LMO2: variants seen among roughly 807,000 people sequenced by gnomAD.
LMO2 encodes LIM domain only 2.
LMO2 carries 20 observed loss-of-function variants against 23.2 expected under a neutral mutation model. That is an observed-to-expected ratio of 0.86 (90% confidence interval 0.61 to 1.25). The LOEUF (loss-of-function observed/expected upper bound fraction) is 1.25, where lower values mean the gene tolerates loss of function less well. LMO2 is among the 50% of genes most tolerant of loss of function. LMO2 has a pLI of 0.00. For missense variants in LMO2, 270 were observed against 315.3 expected (o/e 0.86, Z 1.09); for synonymous variants, 123 against 130.2 (o/e 0.94, Z 0.38).
At position 33,873,974 on chromosome 11, in the gene LMO2, C is replaced by G. The variant is rs183799151; in HGVS notation, c.-271-3987G>C. On this transcript the variant is annotated intron_variant, in intron 2 of 5. Coordinates refer to ENST00000257818, the MANE Select transcript of LMO2 (RefSeq NM_005574.4). ...ATCCCAACATTATGATAATTTACCT[C>G]TCTTTTTTTTTCAACCATTAGAAGC... Among the ~76,000 whole-genome samples the G allele has an allele frequency of 1.0e-3, 151 of 151,690 alleles. 1 individual carries two copies. Among genetic ancestry groups the G allele is most frequent in the Admixed American group, 2.9e-3 (45 of 15,300 alleles).
At chr11:33,886,015 G>A (rs1857396980) in intron 1 of LMO2, among the ~76,000 whole-genome samples, 1 of 152,026 alleles carries the variant, frequency 6.6e-6, no homozygotes, top group Non-Finnish European at 1.5e-5. Flanking sequence ...AGCTGGGATT[G>A]CAGGTGCCCA....
chr11:33,884,259 T>A (rs1857352808), intron 1 of LMO2, among the ~76,000 whole-genome samples: 1 of 152,052 alleles, frequency 6.6e-6, no homozygotes, highest in Non-Finnish European at 1.5e-5. Flanking sequence ...TGTTGAATAA[T>A]GCCGAGAGGA....
At chr11:33,884,164 C>T (rs1055102992) in intron 1 of LMO2, among the ~76,000 whole-genome samples, 1 of 152,110 alleles carries the variant, frequency 6.6e-6, no homozygotes, top group African/African-American at 2.4e-5. Context: ...TTGAGGGCCC[C>T]ACTGAGAAGA....
chr11:33,864,750 T>C lies in LMO2; in HGVS notation c.316A>G (p.Ile106Val). ...LLTCGGCQQNIGDRYFLKAID... is the reference protein window; with the variant it reads ...LLTCGGCQQNVGDRYFLKAID... ...GCCTTCAGGAAGTAGCGGTCCCCAATGTTCTGCTGGCAGCCGCCGCATGTC... is the reference window on the plus strand; with the variant it reads ...GCCTTCAGGAAGTAGCGGTCCCCAACGTTCTGCTGGCAGCCGCCGCATGTC... The change falls in exon 5 of 6, where the codon ATT (isoleucine) becomes GTT (valine). Residue 106 changes from isoleucine (I) to valine (V), a missense_variant. This residue lies in a region of LMO2 where 170 missense variants were observed against 162.0 expected (regional missense o/e 1.05). Coordinates refer to ENST00000257818, the MANE Select transcript of LMO2 (RefSeq NM_005574.4). This position sits in a 1 kb window ranked among gnomAD's most constrained non-coding sequence, Gnocchi z 4.8. 13 of 1,613,966 alleles carry C rather than the reference T, an allele frequency of 8.1e-6. No individual in the cohort carries two copies. The highest frequency in any genetic ancestry group is 1.1e-5 in the Non-Finnish European group (13 of 1,179,994).
rs1001285075 is a variant in LMO2, at chr11:33,869,725, C to A, written c.-9G>T. On this transcript the variant is annotated 5_prime_UTR_variant, in exon 3 of 6. Coordinates refer to ENST00000257818, the MANE Select transcript of LMO2 (RefSeq NM_005574.4). ...AGGACTTAACCTTCCATCCCGGTCC[C>A]GCCGCCGCCACCGCCCGGTCCCTCT... 7.7e-7 allele frequency: 1 copy of A among 1,290,818 alleles called. No individual in the cohort carries two copies. The highest frequency in any genetic ancestry group is 3.6e-5 in the East Asian group (1 of 27,618). 80.0% of individuals were successfully genotyped at this position (1,290,818 alleles called of 1,614,324 possible).
At position 33,860,876 on chromosome 11, in the gene LMO2, G is replaced by A. The variant is rs116916492; in HGVS notation, c.465-1301C>T. Among the ~76,000 whole-genome samples, 140 of 152,324 alleles carry A rather than the reference G, an allele frequency of 9.2e-4. 1 individual carries two copies. In the East Asian group the frequency reaches 0.01, roughly 11 times the overall value. ...GGGGAGAAGGCCCAGCAGTCTGTGCGTTAATGAACACTTCCGGGGGACTGG... is the reference window on the plus strand; with the variant it reads ...GGGGAGAAGGCCCAGCAGTCTGTGCATTAATGAACACTTCCGGGGGACTGG... On this transcript the variant is annotated intron_variant, in intron 5 of 5. Transcript: ENST00000257818.
At chr11:33,877,057 G>A (rs1857152118) in intron 2 of LMO2, among the ~76,000 whole-genome samples, 1 of 152,244 alleles carries the variant, frequency 6.6e-6, no homozygotes. Context: ...AGATGGATAA[G>A]TGGAGTTCTG....
In LMO2 at chr11:33,861,626, T is replaced by G. The variant is rs138563467; in HGVS notation, c.465-2051A>C. Among the ~76,000 whole-genome samples the G allele has an allele frequency of 5.8e-4, 88 of 152,344 alleles. 1 individual carries two copies. The highest frequency in any genetic ancestry group is 3.4e-3 in the Middle Eastern group (1 of 294). ...GAGTGGAAAGACAGTTCTGGTTTCCTGACTGCTCTGTAAGTTAAGTTTGGG... is the reference window on the plus strand; with the variant it reads ...GAGTGGAAAGACAGTTCTGGTTTCCGGACTGCTCTGTAAGTTAAGTTTGGG... On this transcript the variant is annotated intron_variant, in intron 5 of 5. Transcript: ENST00000257818.
Position 33,880,228 on chromosome 11 carries a change from GATATATATATCATATATACACATGAT to G in LMO2, c.-272+1570_-272+1595del, listed in dbSNP as rs1857240252. On this transcript the variant is annotated intron_variant, in intron 2 of 5. Coordinates refer to ENST00000257818, the MANE Select transcript of LMO2 (RefSeq NM_005574.4). This position sits in a 1 kb window ranked among gnomAD's most constrained non-coding sequence, Gnocchi z 4.3. ...TGATATATATATCATATATACACAT[GATATATATATCATATATACACATGAT>G]ATATATATCATACATACACATGATA... Among the ~76,000 whole-genome samples, 1 of 138,888 alleles carries G rather than the reference GATATATATATCATATATACACATGAT, an allele frequency of 7.2e-6. No homozygotes were observed. Among genetic ancestry groups the G allele is most frequent in the African/African-American group, 2.9e-5 (1 of 34,998 alleles). The allele number at this position is 138,888 out of a possible 152,430, so 91.1% of individuals were successfully genotyped here.
In LMO2 at chr11:33,864,132, A is replaced by G. The variant is rs1193273332; in HGVS notation, c.464+470T>C. On this transcript the variant is annotated intron_variant, in intron 5 of 5. Coordinates refer to ENST00000257818, the MANE Select transcript of LMO2 (RefSeq NM_005574.4). The surrounding 1 kb of genome is among the most constrained non-coding windows in gnomAD (Gnocchi z 4.8). ...ATGCTTGGAGCTCCATATGCTTTCT[A>G]TTTTTAAATTTCTCATCATATAATA... Among the ~76,000 whole-genome samples, 4 of 152,264 alleles carry G rather than the reference A, an allele frequency of 2.6e-5. No homozygotes were observed. Among genetic ancestry groups the G allele is most frequent in the South Asian group, 4.2e-4 (2 of 4,812 alleles).
In LMO2 at chr11:33,880,204, G is replaced by GAT. The variant is rs748436879; in HGVS notation, c.-272+1618_-272+1619dup. On this transcript the variant is annotated intron_variant, in intron 2 of 5. Transcript: ENST00000257818. The surrounding 1 kb of genome is among the most constrained non-coding windows in gnomAD (Gnocchi z 4.3). Reference sequence around the variant, plus strand: ...TGATATATATATCATATATACACATGATATATATATCATATATACACATGA... The same window carrying GAT: ...TGATATATATATCATATATACACATGATATATATATATCATATATACACATGA... 0.028 allele frequency among the ~76,000 whole-genome samples: 2,174 copies of GAT among 77,664 alleles called. 137 individuals carry two copies. The highest frequency in any genetic ancestry group is 0.06 in the Middle Eastern group (6 of 100). The allele number at this position is 77,664 out of a possible 152,430, so 51.0% of individuals were successfully genotyped here.
In LMO2 at chr11:33,864,373, A is replaced by G. The variant is rs1432077181; in HGVS notation, c.464+229T>C. On this transcript the variant is annotated intron_variant, in intron 5 of 5. Coordinates refer to ENST00000257818, the MANE Select transcript of LMO2 (RefSeq NM_005574.4). This position sits in a 1 kb window ranked among gnomAD's most constrained non-coding sequence, Gnocchi z 4.8. ...CAATTCTCTTGCCTTTAAAGATATT[A>G]GTATTTTACCACATAGGAACGTAAC... Among the ~76,000 whole-genome samples the G allele has an allele frequency of 6.6e-6, 1 of 152,216 alleles. No individual in the cohort carries two copies. The highest frequency in any genetic ancestry group is 1.5e-5 in the Non-Finnish European group (1 of 68,040).
intron 5 of LMO2, 30 bp from the exon 6 acceptor site, chr11:33,859,605 A>G (rs748464638): frequency 6.2e-7 from 1 of 1,602,490 alleles, no homozygotes; most frequent in Admixed American, 1.7e-5. Flanking sequence ...AGCTAAGAAG[A>G]CAGTGAAAGG....
At chr11:33,885,356 G>A (rs527936035) in intron 1 of LMO2, among the ~76,000 whole-genome samples, 61 of 152,276 alleles carry the variant, frequency 4.0e-4, no homozygotes, top group South Asian at 3.1e-3. Context: ...CTCATGAGCC[G>A]GGGACCAGAC....
At chr11:33,877,461 C>CT (rs398015741) in intron 2 of LMO2, among the ~76,000 whole-genome samples, 62,623 of 104,364 alleles carry the variant, frequency 0.6, 20,530 homozygotes, top group African/African-American at 0.77. Flanking sequence ...TCTCCAGATT[C>CT]TTTTTTTTTT....
Position 33,869,708 on chromosome 11 carries a change from A to C in LMO2, c.7+2T>G. ...AGCTGCTGCTGCTGCTCAGGACTTA[A>C]CCTTCCATCCCGGTCCCGCCGCCGC... is the stretch of plus-strand genomic sequence containing the variant. On this transcript the variant is annotated splice_donor_variant, in intron 3 of 5. Coordinates refer to ENST00000257818, the MANE Select transcript of LMO2 (RefSeq NM_005574.4). LOFTEE classifies it high-confidence loss of function. The C allele has an allele frequency of 7.8e-7, 1 of 1,279,746 alleles. No individual in the cohort carries two copies. Among genetic ancestry groups the C allele is most frequent in the Non-Finnish European group, 1.0e-6 (1 of 989,056 alleles). 79.3% of individuals were successfully genotyped at this position (1,279,746 alleles called of 1,614,324 possible).
Position 33,869,701 on chromosome 11 carries a change from G to A in LMO2, c.7+9C>T. 1 of 1,307,072 alleles carries A rather than the reference G, an allele frequency of 7.7e-7. No individual in the cohort carries two copies. Among genetic ancestry groups the A allele is most frequent in the Non-Finnish European group, 9.9e-7 (1 of 1,009,448 alleles). The allele number at this position is 1,307,072 out of a possible 1,614,324, so 81.0% of individuals were successfully genotyped here. A position where few individuals can be genotyped will look rare whatever the true frequency, so the allele number is the denominator to read the frequency against. On this transcript the variant is annotated intron_variant, in intron 3 of 5. Transcript: ENST00000257818. ...CGGCTGCAGCTGCTGCTGCTGCTCA[G>A]GACTTAACCTTCCATCCCGGTCCCG...
At chr11:33,889,661 T>C (rs1191127940) in intron 1 of LMO2, among the ~76,000 whole-genome samples, 1 of 152,226 alleles carries the variant, frequency 6.6e-6, no homozygotes, top group Non-Finnish European at 1.5e-5. Flanking sequence ...TACAACCTAG[T>C]GGCGATGTGG....
At chr11:33,865,288 G>A (rs1180963362) in intron 4 of LMO2, 1 of 212,418 alleles carries the variant, frequency 4.7e-6, no homozygotes, top group East Asian at 1.1e-4. Context: ...AGATGACCCA[G>A]AGTGCTAAGA....
Sources: allele counts gnomAD v4.1 joint callset (sites outside exome capture counted in the v4.1 genomes callset), GRCh38; gene constraint gnomAD v4.1.1; regional missense constraint gnomAD v4.1.1; non-coding constraint Gnocchi (gnomAD v3.1); transcripts MANE v1.5; gene names NCBI Gene and HGNC (gene_info 2026-07-23, HGNC 2026-07-21).